The following BCAS3 variants were observed in gnomAD, a reference collection of about 807,000 sequenced individuals.
BCAS3 encodes the protein BCAS3 microtubule associated cell migration factor, also known as BCAS4/BCAS3 fusion.
Under a neutral mutation model 116.1 loss-of-function variants are expected in BCAS3, and 53 were observed. The observed-to-expected ratio is 0.46, with a 90% CI of 0.37 to 0.57. BCAS3 has a LOEUF of 0.57. Among genes scored for constraint, BCAS3 ranks in the 20% least tolerant of loss-of-function variants. BCAS3 has a pLI of 0.00. For missense variants in BCAS3, 917 were observed against 1,165.4 expected, an observed-to-expected ratio of 0.79 and a Z score of 3.10; for synonymous variants, 391 against 408.2, an observed-to-expected ratio of 0.96 and a Z score of 0.51.
intron 22 of BCAS3, among the ~76,000 whole-genome samples, chr17:61,287,476 A>C (rs1230630630): frequency 6.6e-6 from 1 of 152,208 alleles, no homozygotes; most frequent in Non-Finnish European, 1.5e-5. Flanking sequence ...CTCTAATCCC[A>C]GCACTATGGG....
intron 6 of BCAS3, among the ~76,000 whole-genome samples, chr17:60,761,001 G>A (rs557751936): frequency 6.6e-6 from 1 of 151,588 alleles, no homozygotes; most frequent in African/African-American, 2.4e-5. Context: ...ATCTATTGTT[G>A]CTTTTGAATA....
chr17:61,092,194 A>C (rs1346205925), intron 22 of BCAS3, among the ~76,000 whole-genome samples: 3 of 152,204 alleles, frequency 2.0e-5, no homozygotes, highest in African/African-American at 7.2e-5. Flanking sequence ...TCACTAGTTC[A>C]TTTTTAATAT....
intron 14 of BCAS3, among the ~76,000 whole-genome samples, chr17:60,984,964 T>G (rs1232829391): frequency 5.7e-5 from 8 of 140,074 alleles, no homozygotes; most frequent in South Asian, 4.5e-4. Context: ...GAGCCGAGAT[T>G]GCACCACTGC....
At chr17:60,808,790 T>G (rs1370216915) in intron 7 of BCAS3, among the ~76,000 whole-genome samples, 1 of 152,056 alleles carries the variant, frequency 6.6e-6, no homozygotes, top group African/African-American at 2.4e-5. Flanking sequence ...AAAATAATTA[T>G]GAAATAATGA....
intron 2 of BCAS3, among the ~76,000 whole-genome samples, chr17:60,681,971 C>T (rs545305602): frequency 2.8e-4 from 43 of 151,912 alleles, no homozygotes; most frequent in Non-Finnish European, 5.6e-4. Flanking sequence ...CTCAGGTGGT[C>T]CGCCTGCCTC....
At chr17:60,699,357 A>G (rs1340995872) in intron 4 of BCAS3, among the ~76,000 whole-genome samples, 1 of 152,030 alleles carries the variant, frequency 6.6e-6, no homozygotes, top group African/African-American at 2.4e-5. Context: ...TAGGATTACA[A>G]GCATGCACCA....
chr17:60,834,131 ATATT>A (rs2051174155), intron 7 of BCAS3, among the ~76,000 whole-genome samples: 1 of 152,124 alleles, frequency 6.6e-6, no homozygotes, highest in Non-Finnish European at 1.5e-5. Context: ...ATGAATGTAA[ATATT>A]CTTACTAGTT....
chr17:60,992,461 T>C (rs1310204176), intron 15 of BCAS3, among the ~76,000 whole-genome samples: 1 of 152,098 alleles, frequency 6.6e-6, no homozygotes, highest in African/African-American at 2.4e-5. Flanking sequence ...CAAAAGGTCA[T>C]TGGGAGCTAA....
At position 61,391,994 on chromosome 17, in the gene BCAS3, A is replaced by C; in HGVS notation, c.2611A>C (p.Ser871Arg). The C allele has an allele frequency of 6.2e-7, 1 of 1,613,772 alleles. No individual in the cohort carries two copies. The highest frequency in any genetic ancestry group is 2.2e-5 in the East Asian group (1 of 44,858). The change falls in exon 24 of 24, where the codon AGC (serine) becomes CGC (arginine). Residue 871 changes from serine to arginine, a missense_variant. Ser to Arg is a moderately radical substitution (Grantham distance 110). Around this residue, in one of 3 missense-constraint regions of BCAS3, gnomAD observed 109 missense variants for 122.8 expected, o/e 0.89. Transcript: ENST00000407086. This position sits in a 1 kb window ranked among gnomAD's most constrained non-coding sequence, Gnocchi z 7.7. ...TCTTGCAGAACTTCAGCGAGAGGGA[A>C]GCATCGAGACTCTGAGTAACAGCTC... Reference protein sequence around the residue: ...GSGTELQREGSIETLSNSSGS... With the variant: ...GSGTELQREGRIETLSNSSGS...
chr17:60,698,802 T>C (rs1335453934), intron 4 of BCAS3, among the ~76,000 whole-genome samples: 4 of 151,848 alleles, frequency 2.6e-5, no homozygotes, highest in East Asian at 3.9e-4. Flanking sequence ...ACGCCTGTAA[T>C]CCCAGCACTT....
Position 61,214,211 on chromosome 17 carries a change from C to A in BCAS3, c.2425+129647C>A, listed in dbSNP as rs1190391301. On this transcript the variant is annotated intron_variant, in intron 22 of 23. Transcript: ENST00000407086. The surrounding 1 kb of genome is among the most constrained non-coding windows in gnomAD (Gnocchi z 4.4). ...GAAACCCCATCTCTATTAAAAAATA[C>A]AAAAATTAGCCAGGTGTGGTGGCAG... 6.6e-6 allele frequency among the ~76,000 whole-genome samples: 1 copy of A among 151,794 alleles called. No homozygotes were observed. The highest frequency in any genetic ancestry group is 1.5e-5 in the Non-Finnish European group (1 of 67,960).
intron 22 of BCAS3, among the ~76,000 whole-genome samples, chr17:61,192,806 A>G (rs888842977): frequency 4.6e-5 from 7 of 152,246 alleles, no homozygotes; most frequent in African/African-American, 1.7e-4. Context: ...TTTTATAATG[A>G]TAATAGAATA....
rs909659294 is a variant in BCAS3, at chr17:61,356,674, G to T, written c.2426-11653G>T. On this transcript the variant is annotated intron_variant, in intron 22 of 23. Transcript: ENST00000407086. This position sits in a 1 kb window ranked among gnomAD's most constrained non-coding sequence, Gnocchi z 5.4. ...AGTTGTAGGCAGGGGAGACAAAGAG[G>T]ACAGGTAAAGGGACTTGATTTTAAA... Among the ~76,000 whole-genome samples the T allele has an allele frequency of 6.6e-6, 1 of 152,232 alleles. No homozygotes were observed. The highest frequency in any genetic ancestry group is 2.4e-5 in the African/African-American group (1 of 41,462).
At chr17:61,329,343 A>ATTTTTTTTTTTTTTTTTTTTTTTTT (rs35909318) in intron 22 of BCAS3, among the ~76,000 whole-genome samples, 1 of 131,280 alleles carries the variant, frequency 7.6e-6, no homozygotes, top group African/African-American at 2.9e-5. Flanking sequence ...TATTATTATT[A>ATTTTTTTTTTTTTTTTTTTTTTTTT]TTTTTTTTTT....
In BCAS3 at chr17:61,029,702, C is replaced by T. The variant is rs972462567; in HGVS notation, c.1638-4964C>T. ...GTAGTCCATATAAGTATATTTCTTC[C>T]TCATAAAATGTTTTCATATTATATA... On this transcript the variant is annotated intron_variant, in intron 16 of 23. Coordinates refer to ENST00000407086, the MANE Select transcript of BCAS3 (RefSeq NM_017679.5). This position sits in a 1 kb window ranked among gnomAD's most constrained non-coding sequence, Gnocchi z 5.2. 6.6e-6 allele frequency among the ~76,000 whole-genome samples: 1 copy of T among 151,752 alleles called. No homozygotes were observed. The highest frequency in any genetic ancestry group is 2.4e-5 in the African/African-American group (1 of 41,372).
chr17:60,998,214 A>G (rs1206560764), intron 15 of BCAS3, among the ~76,000 whole-genome samples: 1 of 152,220 alleles, frequency 6.6e-6, no homozygotes, highest in Non-Finnish European at 1.5e-5. Flanking sequence ...TCCGTCGTAC[A>G]TATGTAGCAC....
At chr17:60,905,686 C>T (rs1021804058) in intron 11 of BCAS3, among the ~76,000 whole-genome samples, 7 of 152,064 alleles carry the variant, frequency 4.6e-5, no homozygotes, top group South Asian at 2.1e-4. Context: ...ATTGAAGACG[C>T]GGACACACAA....
At chr17:60,800,946 A>G (rs1369408964) in intron 6 of BCAS3, among the ~76,000 whole-genome samples, 1 of 152,008 alleles carries the variant, frequency 6.6e-6, no homozygotes, top group Non-Finnish European at 1.5e-5. Context: ...TGCTAGTACC[A>G]CTAACTCTTA....
At chr17:60,757,383 C>A (rs1364738074) in intron 6 of BCAS3, among the ~76,000 whole-genome samples, 1 of 142,754 alleles carries the variant, frequency 7.0e-6, no homozygotes, top group Non-Finnish European at 1.5e-5. Flanking sequence ...TGCATCCTTG[C>A]CAGCATGTAT....
Sources: gnomAD v4.1 joint callset for allele counts (sites outside exome capture counted in the v4.1 genomes callset) on GRCh38, gnomAD v4.1.1 for gene constraint, gnomAD v4.1.1 regional missense constraint, Gnocchi (gnomAD v3.1) non-coding constraint, MANE v1.5 for transcripts, NCBI Gene and HGNC (gene_info 2026-07-23, HGNC 2026-07-21) for gene names.